The following TTC27 variants were observed in gnomAD, a reference collection of about 807,000 sequenced individuals.
TTC27 encodes tetratricopeptide repeat domain 27.
In TTC27, 79 loss-of-function variants were observed where a neutral mutation model predicts 115.9. The ratio of observed to expected loss-of-function variants is 0.68; its 90% CI spans 0.57 to 0.82. The LOEUF (loss-of-function observed/expected upper bound fraction) is 0.82. Ranked by LOEUF, TTC27 falls within the 40% of genes least tolerant of loss-of-function variation. The pLI is 0.00. For missense variants in TTC27, 1,054 were observed against 993.1 expected, an observed-to-expected ratio of 1.06 and a Z score of -0.82; for synonymous variants, 401 against 356.0, an observed-to-expected ratio of 1.13 and a Z score of -1.42.
chr2:32,686,286 A>G (rs1666624761), intron 9 of TTC27, among the ~76,000 whole-genome samples: 1 of 152,058 alleles, frequency 6.6e-6, no homozygotes, highest in African/African-American at 2.4e-5. Context: ...TAGCAATCAG[A>G]ATCCCCATAG....
intron 8 of TTC27, among the ~76,000 whole-genome samples, chr2:32,674,232 C>A (rs904954297): frequency 6.7e-6 from 1 of 150,024 alleles, no homozygotes; most frequent in African/African-American, 2.5e-5. Flanking sequence ...CTCACTGCAA[C>A]CTCCGCCTCC....
intron 10 of TTC27, among the ~76,000 whole-genome samples, chr2:32,703,534 TAATA>T (rs1276883277): frequency 1.3e-5 from 2 of 152,100 alleles, no homozygotes; most frequent in Non-Finnish European, 2.9e-5. Context: ...ATAGAAGAAT[TAATA>T]AATAAAGATA....
At chr2:32,635,689 A>C (rs1281263201) in intron 3 of TTC27, among the ~76,000 whole-genome samples, 1 of 152,132 alleles carries the variant, frequency 6.6e-6, no homozygotes, top group Non-Finnish European at 1.5e-5. Context: ...ATTTCAAAAA[A>C]AGAAAAAAGA....
chr2:32,672,225 A>G, intron 7 of TTC27, 47 bp from the exon 8 acceptor site: 2 of 1,423,032 alleles, frequency 1.4e-6, no homozygotes, highest in Non-Finnish European at 2.0e-6. Context: ...TGGTGAATGA[A>G]TAAAATTTAA....
Position 32,812,583 on chromosome 2 carries a change from A to T in TTC27, c.2276A>T (p.Glu759Val). 6.2e-7 allele frequency: 1 copy of T among 1,613,966 alleles called. No homozygotes were observed. The highest frequency in any genetic ancestry group is 1.7e-5 in the Admixed American group (1 of 60,024). Residue 759 changes from glutamate (E) to valine (V), a missense_variant, in exon 18 of 20, where the codon GAA becomes GTA. Glu to Val is a moderately radical substitution (Grantham distance 121, BLOSUM62 -2). Coordinates refer to ENST00000317907, the MANE Select transcript of TTC27 (RefSeq NM_017735.5). ...GAGAAAGATATTACATCATTTAAGG[A>T]AGTTGTTCAAAGAGCCTTAGGACTT... ...CWEKDITSFK[E>V]VVQRALGLAH...
chr2:32,778,008 C>G, intron 14 of TTC27, 28 bp downstream of exon 14: 1 of 1,605,308 alleles, frequency 6.2e-7, no homozygotes. Context: ...TCTGTCCTTA[C>G]GTGGCTCTTT....
chr2:32,703,463 A>G (rs554528469), intron 10 of TTC27, among the ~76,000 whole-genome samples: 168 of 152,234 alleles, frequency 1.1e-3, no homozygotes, highest in African/African-American at 3.8e-3. Flanking sequence ...GCAAGACTCC[A>G]TCTCAAATAA....
intron 16 of TTC27, among the ~76,000 whole-genome samples, chr2:32,795,470 C>T (rs1670666210): frequency 6.6e-6 from 1 of 151,830 alleles, no homozygotes; most frequent in Admixed American, 6.6e-5. Context: ...TAATAAAAGC[C>T]AGGTATGAAA....
At chr2:32,726,751 G>A (rs931387040) in intron 10 of TTC27, among the ~76,000 whole-genome samples, 6 of 152,216 alleles carry the variant, frequency 3.9e-5, no homozygotes, top group Admixed American at 2.6e-4. Flanking sequence ...AATTTACTGT[G>A]TTAGTCCATT....
At chr2:32,714,763 C>G (rs964325275) in intron 10 of TTC27, among the ~76,000 whole-genome samples, 11 of 152,150 alleles carry the variant, frequency 7.2e-5, no homozygotes, top group African/African-American at 2.4e-4. Flanking sequence ...TATTTTGTGA[C>G]TTTTTAATAC....
intron 9 of TTC27, among the ~76,000 whole-genome samples, chr2:32,685,321 C>T (rs533797293): frequency 2.1e-4 from 32 of 152,222 alleles, no homozygotes; most frequent in Admixed American, 3.9e-4. Context: ...TGAGCCACTG[C>T]GCCCAGCCTG....
At position 32,769,290 on chromosome 2, in the gene TTC27, G is replaced by A. The variant is rs570063563; in HGVS notation, c.1681-8592G>A. 3.9e-5 allele frequency among the ~76,000 whole-genome samples: 6 copies of A among 152,312 alleles called. No individual in the cohort carries two copies. The South Asian group carries it at 1.2e-3, about 32-fold the overall frequency. On this transcript the variant is annotated intron_variant, in intron 13 of 19. Coordinates refer to ENST00000317907, the MANE Select transcript of TTC27 (RefSeq NM_017735.5). Reference sequence around the variant, plus strand: ...ACCTAAAACAAGAGCAAATGTCAGCGAGTTATGTCACATGTAGTGATAAAG... The same window carrying A: ...ACCTAAAACAAGAGCAAATGTCAGCAAGTTATGTCACATGTAGTGATAAAG...
intron 12 of TTC27, among the ~76,000 whole-genome samples, chr2:32,754,852 G>C (rs1490410949): frequency 6.7e-6 from 1 of 150,128 alleles, no homozygotes; most frequent in African/African-American, 2.4e-5. Context: ...CTCCCGGACG[G>C]GGCGGCTGGC....
intron 4 of TTC27, among the ~76,000 whole-genome samples, chr2:32,640,940 C>A (rs1664622426): frequency 6.6e-6 from 1 of 152,068 alleles, no homozygotes; most frequent in Non-Finnish European, 1.5e-5. Flanking sequence ...CGTGATTGCG[C>A]CATTGCACTC....
chr2:32,794,427 A>G (rs1670633806), intron 16 of TTC27, among the ~76,000 whole-genome samples: 1 of 152,202 alleles, frequency 6.6e-6, no homozygotes, highest in South Asian at 2.1e-4. Flanking sequence ...GCATACCAAA[A>G]CTTGTAGGAC....
At chr2:32,692,047 T>TTTTG (rs1666836773) in intron 9 of TTC27, among the ~76,000 whole-genome samples, 1 of 120,848 alleles carries the variant, frequency 8.3e-6, no homozygotes, top group African/African-American at 3.1e-5. Flanking sequence ...TTTTTTTTTT[T>TTTTG]TTTTTTTTTT....
chr2:32,657,398 A>C (rs1455120552), intron 5 of TTC27, among the ~76,000 whole-genome samples: 2 of 144,974 alleles, frequency 1.4e-5, no homozygotes, highest in Non-Finnish European at 3.0e-5. Context: ...CTGTCGCCCA[A>C]GCTGGAGTGC....
Position 32,666,683 on chromosome 2 carries a change from T to G in TTC27, c.854T>G (p.Leu285Arg), listed in dbSNP as rs984134696. 2 of 1,613,978 alleles carry G rather than the reference T, an allele frequency of 1.2e-6. No individual in the cohort carries two copies. The highest frequency in any genetic ancestry group is 2.7e-5 in the African/African-American group (2 of 74,928). The change falls in exon 7 of 20, where the codon CTG becomes CGG. Residue 285 changes from leucine to arginine, a missense_variant. Coordinates refer to ENST00000317907, the MANE Select transcript of TTC27 (RefSeq NM_017735.5). ...TTCCAGGAAAATTATGTGGCACAAC[T>G]GATTCTAGATGTAAGAAGGGAAGGG... Reference protein sequence around the residue: ...TRFQENYVAQLILDVRREGDV... With the variant: ...TRFQENYVAQRILDVRREGDV...
At chr2:32,807,465 C>T (rs796955054) in intron 16 of TTC27, among the ~76,000 whole-genome samples, 3 of 151,456 alleles carry the variant, frequency 2.0e-5, no homozygotes, top group African/African-American at 7.3e-5. Context: ...TTGTTGACTT[C>T]TTCTTATCTT....
Sources: allele counts gnomAD v4.1 joint callset (sites outside exome capture counted in the v4.1 genomes callset), GRCh38; gene constraint gnomAD v4.1.1; transcripts MANE v1.5; gene names NCBI Gene and HGNC (gene_info 2026-07-23, HGNC 2026-07-21).